The following NFIX variants were observed in gnomAD, a reference collection of about 807,000 sequenced individuals.
NFIX encodes nuclear factor 1 X-type.
NFIX carries 2 observed loss-of-function variants against 53.3 expected under a neutral mutation model. The observed-to-expected ratio is 0.04, with a 90% confidence interval of 0.02 to 0.12. The LOEUF is 0.12. Ranked by LOEUF, NFIX falls within the 10% of genes least tolerant of loss-of-function variation. The pLI, the probability that NFIX is intolerant of heterozygous loss-of-function variation, is 1.00. For missense variants in NFIX, 310 were observed against 674.5 expected (o/e 0.46, Z 5.99); for synonymous variants, 244 against 289.0 (o/e 0.84, Z 1.58).
At chr19:13,056,535 C>T (rs2015704749) in intron 2 of NFIX, among the ~76,000 whole-genome samples, 1 of 152,134 alleles carries the variant, frequency 6.6e-6, no homozygotes, top group South Asian at 2.1e-4. Flanking sequence ...AAAGATCCTG[C>T]GTGGAGTCCC....
chr19:13,026,847 C>T (rs1253364420), intron 2 of NFIX, among the ~76,000 whole-genome samples: 1 of 151,892 alleles, frequency 6.6e-6, no homozygotes, highest in Non-Finnish European at 1.5e-5. Flanking sequence ...GAGAATGTGG[C>T]TTAACTTCAA....
chr19:13,073,786 C>T lies in NFIX; in HGVS notation c.698-120C>T. ...GCAGCCCAGATGGCCCACTTTCTCC[C>T]ATCTCCTGGCCCCACAGTAAACTCA... On this transcript the variant is annotated intron_variant, in intron 4 of 10. Coordinates refer to ENST00000592199, the MANE Select transcript of NFIX (RefSeq NM_001365902.3). The surrounding 1 kb of genome is among the most constrained non-coding windows in gnomAD (Gnocchi z 4.5). The T allele has an allele frequency of 7.3e-7, 1 of 1,367,290 alleles. No homozygotes were observed. The allele number at this position is 1,367,290 out of a possible 1,614,324, so 84.7% of individuals were successfully genotyped here.
At chr19:13,010,176 CATCCCGCCTT>C (rs2012253909) in intron 1 of NFIX, among the ~76,000 whole-genome samples, 1 of 152,216 alleles carries the variant, frequency 6.6e-6, no homozygotes, top group Non-Finnish European at 1.5e-5. Flanking sequence ...GCTCCAACGA[CATCCCGCCTT>C]GGCCTGCCGG....
At position 13,072,998 on chromosome 19, in the gene NFIX, A is replaced by C. The variant is rs1373831130; in HGVS notation, c.560-49A>C. 1 of 1,577,750 alleles carries C rather than the reference A, an allele frequency of 6.3e-7. No homozygotes were observed. The highest frequency in any genetic ancestry group is 8.7e-7 in the Non-Finnish European group (1 of 1,147,196). Reference sequence around the variant, plus strand: ...AGGGGCCAATGCTTGGCTGGTGCTTATGGGGAACTTTGCTCCTGATACATT... The same window carrying C: ...AGGGGCCAATGCTTGGCTGGTGCTTCTGGGGAACTTTGCTCCTGATACATT... On this transcript the variant is annotated intron_variant, in intron 2 of 10. Transcript: ENST00000592199. The surrounding 1 kb of genome is among the most constrained non-coding windows in gnomAD (Gnocchi z 4.0).
At chr19:13,083,957 G>A (rs1447078078) in intron 8 of NFIX, among the ~76,000 whole-genome samples, 2 of 152,246 alleles carry the variant, frequency 1.3e-5, no homozygotes, top group Admixed American at 6.5e-5. Context: ...CTTGGCATGC[G>A]CGAGAGTCAA....
At chr19:13,026,236 T>C (rs1000008991) in intron 2 of NFIX, among the ~76,000 whole-genome samples, 2 of 152,234 alleles carry the variant, frequency 1.3e-5, no homozygotes, top group East Asian at 3.9e-4. Context: ...CTTTCCCTTC[T>C]CCTTATTTCA....
rs776720710 is a variant in NFIX at position 13,088,833 on chromosome 19, CTCTTTCTTT to C, written c.1402+703_1402+711del. On this transcript the variant is annotated intron_variant, in intron 9 of 10. Transcript: ENST00000592199. This position sits in a 1 kb window ranked among gnomAD's most constrained non-coding sequence, Gnocchi z 5.9. ...GCTTACTTCATCTCTCTCTCTGTCTCTCTTTCTTTTCTTTTCTTTTCTTTTTTTTTCCTC... is the reference window on the plus strand; with the variant it reads ...GCTTACTTCATCTCTCTCTCTGTCTCTCTTTTCTTTTCTTTTTTTTTCCTC... Among the ~76,000 whole-genome samples, 180 of 152,210 alleles carry C rather than the reference CTCTTTCTTT, an allele frequency of 1.2e-3. No individual in the cohort carries two copies. Among genetic ancestry groups the C allele is most frequent in the Middle Eastern group, 3.4e-3 (1 of 294 alleles).
intron 2 of NFIX, among the ~76,000 whole-genome samples, chr19:13,029,381 C>A (rs906587612): frequency 3.3e-5 from 5 of 152,086 alleles, no homozygotes; most frequent in Non-Finnish European, 7.4e-5. Context: ...CCCTAATTAT[C>A]ACTTAATTTT....
At chr19:13,010,045 C>G (rs963229302) in intron 1 of NFIX, among the ~76,000 whole-genome samples, 1 of 152,196 alleles carries the variant, frequency 6.6e-6, no homozygotes, top group Admixed American at 6.5e-5. Flanking sequence ...AGGGGCCCTC[C>G]GAGGTCCAGG....
At chr19:13,041,728 A>T (rs938514320) in intron 2 of NFIX, among the ~76,000 whole-genome samples, 3 of 149,690 alleles carry the variant, frequency 2.0e-5, no homozygotes, top group Non-Finnish European at 4.4e-5. Flanking sequence ...CGGGAGGCAG[A>T]GGTTGCAGTC....
At position 13,006,799 on chromosome 19, in the gene NFIX, G is replaced by A. The variant is rs1326505777; in HGVS notation, c.27+10935G>A. Among the ~76,000 whole-genome samples the A allele has an allele frequency of 2.0e-5, 3 of 152,354 alleles. No individual in the cohort carries two copies. The highest frequency in any genetic ancestry group is 3.9e-4 in the East Asian group (2 of 5,180). On this transcript the variant is annotated intron_variant, in intron 1 of 10. Coordinates refer to ENST00000592199, the MANE Select transcript of NFIX (RefSeq NM_001365902.3). This position sits in a 1 kb window ranked among gnomAD's most constrained non-coding sequence, Gnocchi z 5.6. ...GCTTGAGAGCTCTGGGCTGGGGCCC[G>A]GCGGGGTCGGCACTGCAGGCTGGCA...
rs2016590440 is a variant in NFIX, at chr19:13,068,842, A to G, written c.560-4205A>G. Among the ~76,000 whole-genome samples, 1 of 152,210 alleles carries G rather than the reference A, an allele frequency of 6.6e-6. No individual in the cohort carries two copies. The highest frequency in any genetic ancestry group is 6.5e-5 in the Admixed American group (1 of 15,280). Reference sequence around the variant, plus strand: ...GAGTAGCCCAGGTCCCCAGAGAAGGACAGCCCGCAGAGCTGCGTGTTTGTG... The same window carrying G: ...GAGTAGCCCAGGTCCCCAGAGAAGGGCAGCCCGCAGAGCTGCGTGTTTGTG... On this transcript the variant is annotated intron_variant, in intron 2 of 10. Transcript: ENST00000592199. This position sits in a 1 kb window ranked among gnomAD's most constrained non-coding sequence, Gnocchi z 4.2.
chr19:13,003,847 C>T (rs1426285031), intron 1 of NFIX, among the ~76,000 whole-genome samples: 1 of 152,082 alleles, frequency 6.6e-6, no homozygotes, highest in Non-Finnish European at 1.5e-5. Flanking sequence ...GTTATGTTGC[C>T]CAGGCTGGTC....
At chr19:13,071,719 T>A (rs995584659) in intron 2 of NFIX, among the ~76,000 whole-genome samples, 1 of 152,224 alleles carries the variant, frequency 6.6e-6, no homozygotes, top group Non-Finnish European at 1.5e-5. Flanking sequence ...ACAGTCACCC[T>A]TTTTTACCCA....
In NFIX at chr19:13,002,688, G is replaced by A. The variant is rs773847814; in HGVS notation, c.27+6824G>A. On this transcript the variant is annotated intron_variant, in intron 1 of 10. Coordinates refer to ENST00000592199, the MANE Select transcript of NFIX (RefSeq NM_001365902.3). This position sits in a 1 kb window ranked among gnomAD's most constrained non-coding sequence, Gnocchi z 6.1. ...AGTTGCGTTTGCCACCACTACCGAT[G>A]TGGCTGCGCCAGCCAGGGAGGGGAG... Among the ~76,000 whole-genome samples the A allele has an allele frequency of 6.6e-6, 1 of 152,222 alleles. No homozygotes were observed. The highest frequency in any genetic ancestry group is 1.5e-5 in the Non-Finnish European group (1 of 68,030).
At chr19:13,019,118 A>ATTTTT (rs34772188) in intron 1 of NFIX, among the ~76,000 whole-genome samples, 10 of 148,878 alleles carry the variant, frequency 6.7e-5, no homozygotes, top group African/African-American at 2.5e-4. Flanking sequence ...GACACATAGG[A>ATTTTT]TTTTTTTTTT....
At chr19:13,007,333 T>C (rs2012079569) in intron 1 of NFIX, among the ~76,000 whole-genome samples, 1 of 152,038 alleles carries the variant, frequency 6.6e-6, no homozygotes, top group African/African-American at 2.4e-5. Context: ...CTCGTGTGTA[T>C]CTCTGGGGTT....
In NFIX at chr19:13,043,431, G is replaced by T. The variant is rs1239681051; in HGVS notation, c.559+17879G>T. Among the ~76,000 whole-genome samples, 2 of 152,186 alleles carry T rather than the reference G, an allele frequency of 1.3e-5. No homozygotes were observed. Among genetic ancestry groups the T allele is most frequent in the African/African-American group, 4.8e-5 (2 of 41,452 alleles). On this transcript the variant is annotated intron_variant, in intron 2 of 10. Coordinates refer to ENST00000592199, the MANE Select transcript of NFIX (RefSeq NM_001365902.3). This position sits in a 1 kb window ranked among gnomAD's most constrained non-coding sequence, Gnocchi z 4.0. ...GTATCTTAATGGCAGCAGCCCCCAGGTCCACTTCTGAGGTGCAAGCCCATG... is the reference window on the plus strand; with the variant it reads ...GTATCTTAATGGCAGCAGCCCCCAGTTCCACTTCTGAGGTGCAAGCCCATG...
chr19:12,997,537 G>A (rs767451365), intron 1 of NFIX, among the ~76,000 whole-genome samples: 4 of 152,210 alleles, frequency 2.6e-5, no homozygotes, highest in Admixed American at 2.0e-4. Context: ...TCCATGTTGG[G>A]CGCCCCTCAC....
Sources: allele counts gnomAD v4.1 joint callset (sites outside exome capture counted in the v4.1 genomes callset), GRCh38; gene constraint gnomAD v4.1.1; non-coding constraint Gnocchi (gnomAD v3.1); transcripts MANE v1.5; gene names NCBI Gene and HGNC (gene_info 2026-07-23, HGNC 2026-07-21).